TFEC: variants seen among roughly 807,000 people sequenced by gnomAD.
The protein encoded by TFEC is transcription factor EC.
TFEC carries 31 observed loss-of-function variants against 41.6 expected under a neutral mutation model. That is an observed-to-expected ratio of 0.74 (90% confidence interval 0.56 to 1.01). The LOEUF (loss-of-function observed/expected upper bound fraction) is 1.01, where lower values mean the gene tolerates loss of function less well. Ranked by LOEUF, TFEC falls within the 50% of genes least tolerant of loss-of-function variation. The pLI is 0.00. For synonymous variants in TFEC, 143 were observed against 140.6 expected, an observed-to-expected ratio of 1.02 and a Z score of -0.12; for missense variants, 402 against 404.1, an observed-to-expected ratio of 0.99 and a Z score of 0.04.
At chr7:115,945,517 T>TA (rs1456686303) in intron 6 of TFEC, among the ~76,000 whole-genome samples, 1 of 151,688 alleles carries the variant, frequency 6.6e-6, no homozygotes, top group Non-Finnish European at 1.5e-5. Context: ...AAAATGTATT[T>TA]AAACAGAATT....
At chr7:115,964,254 T>C (rs544105402) in intron 3 of TFEC, among the ~76,000 whole-genome samples, 1 of 151,746 alleles carries the variant, frequency 6.6e-6, no homozygotes, top group Admixed American at 6.6e-5. Context: ...CAAAAGGTAC[T>C]TTAAACATAC....
chr7:116,044,010 T>G (rs1196600758), intron 3 of TFEC, among the ~76,000 whole-genome samples: 1 of 152,222 alleles, frequency 6.6e-6, no homozygotes, highest in African/African-American at 2.4e-5. Flanking sequence ...AGCTGCCATG[T>G]AATTCTTAGT....
At chr7:116,004,343 AC>A (rs1794708541) in intron 1 of TFEC, among the ~76,000 whole-genome samples, 1 of 152,246 alleles carries the variant, frequency 6.6e-6, no homozygotes, top group Non-Finnish European at 1.5e-5. Context: ...AGTGAATACT[AC>A]GAACAACTCT....
At chr7:116,052,905 T>TA (rs1796346469) in intron 3 of TFEC, among the ~76,000 whole-genome samples, 1 of 151,196 alleles carries the variant, frequency 6.6e-6, no homozygotes, top group Non-Finnish European at 1.5e-5. Context: ...CCGTCTCTAC[T>TA]AAAAAAATAC....
intron 3 of TFEC, among the ~76,000 whole-genome samples, chr7:116,068,802 T>C (rs909417986): frequency 2.0e-5 from 3 of 151,606 alleles, no homozygotes; most frequent in Admixed American, 6.6e-5. Context: ...TTAATTCATA[T>C]GTAAGCTGTA....
intron 1 of TFEC, among the ~76,000 whole-genome samples, chr7:116,007,830 T>G (rs909170170): frequency 1.3e-5 from 2 of 152,374 alleles, no homozygotes; most frequent in East Asian, 3.9e-4. Flanking sequence ...TTAAATGTAA[T>G]TCATATTTAT....
intron 1 of TFEC, among the ~76,000 whole-genome samples, chr7:115,999,004 C>T (rs1028266775): frequency 6.6e-6 from 1 of 151,986 alleles, no homozygotes; most frequent in African/African-American, 2.4e-5. Context: ...ATTTACAGAA[C>T]ATTTCATTCA....
intron 3 of TFEC, among the ~76,000 whole-genome samples, chr7:116,083,497 A>G (rs1279041173): frequency 3.3e-5 from 5 of 151,974 alleles, no homozygotes; most frequent in African/African-American, 1.2e-4. Flanking sequence ...AAGGGAATCA[A>G]AAGTTTCACA....
intron 1 of TFEC, among the ~76,000 whole-genome samples, chr7:116,028,398 T>C (rs1795664086): frequency 2.0e-5 from 3 of 152,208 alleles, no homozygotes; most frequent in Non-Finnish European, 1.5e-5. Flanking sequence ...ATTAGTTTCT[T>C]GCTGTTTTTC....
Position 116,020,811 on chromosome 7 carries a change from A to G in TFEC, c.-73+9822T>C, listed in dbSNP as rs1795369694. Among the ~76,000 whole-genome samples, 2 of 152,158 alleles carry G rather than the reference A, an allele frequency of 1.3e-5. 1 individual carries two copies. The highest frequency in any genetic ancestry group is 4.1e-4 in the South Asian group (2 of 4,836). ...ACAGGAGATAGCATCTAAGTCCTGA[A>G]CATTTAGAAAACATATTCACAGGAA... is the stretch of plus-strand genomic sequence containing the variant. On this transcript the variant is annotated intron_variant, in intron 1 of 7. Transcript: ENST00000265440.
chr7:116,103,824 A>G (rs181915920), intron 3 of TFEC, among the ~76,000 whole-genome samples: 23 of 152,294 alleles, frequency 1.5e-4, no homozygotes, highest in Non-Finnish European at 2.6e-4. Flanking sequence ...TTAAAAATCT[A>G]AAGAAGTATT....
At chr7:116,146,636 C>T (rs956025883) in intron 1 of TFEC, among the ~76,000 whole-genome samples, 3 of 152,156 alleles carry the variant, frequency 2.0e-5, no homozygotes, top group African/African-American at 4.8e-5. Flanking sequence ...TATAGACAAA[C>T]TCATTTTAAT....
chr7:116,039,771 C>T lies in TFEC; in HGVS notation c.199-55258G>A, dbSNP rs922437964. 5.9e-5 allele frequency among the ~76,000 whole-genome samples: 9 copies of T among 151,704 alleles called. 1 individual carries two copies. The highest frequency in any genetic ancestry group is 1.5e-4 in the African/African-American group (6 of 41,318). On this transcript the variant is annotated intron_variant, in intron 3 of 8. Coordinates refer to the TFEC transcript ENST00000484212. The stretch of plus-strand genomic sequence containing the variant: ...TTTTATTCCTTTGGTGGTTAAAAAA[C>T]GCCCTTTAATATAAAACTCCATTTT...
At chr7:116,111,757 T>A (rs1334849342) in intron 2 of TFEC, among the ~76,000 whole-genome samples, 1 of 151,994 alleles carries the variant, frequency 6.6e-6, no homozygotes, top group Non-Finnish European at 1.5e-5. Flanking sequence ...CCATATTAGG[T>A]AAGACATTAT....
chr7:116,028,519 G>A (rs1795668919), intron 1 of TFEC, among the ~76,000 whole-genome samples: 1 of 152,140 alleles, frequency 6.6e-6, no homozygotes, highest in South Asian at 2.1e-4. Flanking sequence ...AACACCCCCA[G>A]TAAAATCTGT....
intron 3 of TFEC, among the ~76,000 whole-genome samples, chr7:115,972,276 A>T (rs1026571298): frequency 1.3e-5 from 2 of 152,124 alleles, no homozygotes; most frequent in African/African-American, 4.8e-5. Flanking sequence ...TGAGCTGCAG[A>T]GCAAATCTCT....
At chr7:116,102,137 T>C (rs758832386) in intron 3 of TFEC, among the ~76,000 whole-genome samples, 1 of 152,194 alleles carries the variant, frequency 6.6e-6, no homozygotes, top group Non-Finnish European at 1.5e-5. Flanking sequence ...CAAATTTTTC[T>C]ATCTGGCTTC....
At chr7:115,941,791 A>C (rs1459281960) in intron 7 of TFEC, 102 bp downstream of exon 7, 2 of 1,443,846 alleles carry the variant, frequency 1.4e-6, no homozygotes, top group Non-Finnish European at 1.9e-6. Flanking sequence ...AAGGAAAAAT[A>C]ATTGTTAATA....
At chr7:116,020,520 C>A (rs555260919) in intron 1 of TFEC, among the ~76,000 whole-genome samples, 24 of 152,136 alleles carry the variant, frequency 1.6e-4, no homozygotes, top group Non-Finnish European at 2.8e-4. Flanking sequence ...CGATTTAGTT[C>A]TCTCTTTTAT....
Sources: gnomAD v4.1 joint callset for allele counts (sites outside exome capture counted in the v4.1 genomes callset) on GRCh38, gnomAD v4.1.1 for gene constraint, MANE v1.5 for transcripts, NCBI Gene and HGNC (gene_info 2026-07-23, HGNC 2026-07-21) for gene names.